The following TBX4 variants were observed in gnomAD, a reference collection of about 807,000 sequenced individuals.
TBX4 encodes the protein T-box transcription factor 4.
TBX4 carries 13 observed loss-of-function variants against 54.6 expected under a neutral mutation model. The observed-to-expected ratio is 0.24, with a 90% CI of 0.15 to 0.38. TBX4 has a LOEUF of 0.38. TBX4 is among the 10% of genes least tolerant of loss of function. The pLI is 1.00. For synonymous variants in TBX4, 314 were observed against 306.7 expected, an observed-to-expected ratio of 1.02 and a Z score of -0.25; for missense variants, 631 against 728.5, an observed-to-expected ratio of 0.87 and a Z score of 1.54.
intron 5 of TBX4, among the ~76,000 whole-genome samples, chr17:61,473,224 C>T (rs1249064609): frequency 6.6e-6 from 1 of 152,126 alleles, no homozygotes; most frequent in African/African-American, 2.4e-5. Context: ...GGTGTGTCAC[C>T]TGATTTGTTA....
In TBX4 at chr17:61,478,313, A is replaced by T. The variant is rs542440014; in HGVS notation, c.550-314A>T. 11 of 427,316 alleles carry T rather than the reference A, an allele frequency of 2.6e-5. No individual in the cohort carries two copies. The highest frequency in any genetic ancestry group is 2.4e-4 in the South Asian group (11 of 46,782). 26.5% of individuals were successfully genotyped at this position (427,316 alleles called of 1,614,324 possible). ...CCACCTGCTACACTGTGCTGAGTTC[A>T]CAGTGGGCTTTGACAGTGTTAAGGG... On this transcript the variant is annotated intron_variant, in intron 5 of 8. Coordinates refer to ENST00000644296, the MANE Select transcript of TBX4 (RefSeq NM_001321120.2). This position sits in a 1 kb window ranked among gnomAD's most constrained non-coding sequence, Gnocchi z 7.4.
At chr17:61,456,704 A>G in intron 2 of TBX4, 28 bp downstream of exon 2, 1 of 1,365,888 alleles carries the variant, frequency 7.3e-7, no homozygotes, top group Non-Finnish European at 9.4e-7. Flanking sequence ...GTCGGGTAGA[A>G]GTCGGGCGTC....
At chr17:61,466,047 G>T in intron 4 of TBX4, 109 bp downstream of exon 4, 3 of 1,557,080 alleles carry the variant, frequency 1.9e-6, no homozygotes, top group Non-Finnish European at 2.6e-6. Flanking sequence ...TGACTGCCCA[G>T]GTCTGCAGGC....
chr17:61,482,907 C>A lies in TBX4; in HGVS notation c.1032C>A (p.Thr344=), dbSNP rs761077197. 1 of 1,613,678 alleles carries A rather than the reference C, an allele frequency of 6.2e-7. No individual in the cohort carries two copies. Among genetic ancestry groups the A allele is most frequent in the South Asian group, 1.1e-5 (1 of 91,014 alleles). The part of the protein sequence containing the change: ...YHCLKRRADG[T]RHLDLPCKRS... ...TACTTTGTCTTTCAGCAGACGGTAC[C>A]CGCCACCTGGACTTACCTTGCAAGC... Residue 344 remains threonine, a synonymous_variant, in exon 9 of 9, where the codon ACC becomes ACA. Transcript: ENST00000644296.
At position 61,465,698 on chromosome 17, in the gene TBX4, T is replaced by C; in HGVS notation, c.282-121T>C. On this transcript the variant is annotated intron_variant, in intron 3 of 8. Coordinates refer to ENST00000644296, the MANE Select transcript of TBX4 (RefSeq NM_001321120.2). The surrounding 1 kb of genome is among the most constrained non-coding windows in gnomAD (Gnocchi z 4.9). The stretch of plus-strand genomic sequence containing the variant: ...GTGCAGGTCACACAGCTGTGACCAA[T>C]GCCAGGATCGCTGGCCAAAAGGGCA... 7.5e-7 allele frequency: 1 copy of C among 1,334,100 alleles called. No individual in the cohort carries two copies. Among genetic ancestry groups the C allele is most frequent in the South Asian group, 1.2e-5 (1 of 84,096 alleles). The allele number at this position is 1,334,100 out of a possible 1,614,324, so 82.6% of individuals were successfully genotyped here.
intron 5 of TBX4, among the ~76,000 whole-genome samples, chr17:61,471,559 T>TTTTTG (rs2060578200): frequency 6.6e-6 from 1 of 150,840 alleles, no homozygotes. Context: ...TTTTTTTTTT[T>TTTTTG]GCACATAGGC....
chr17:61,471,910 T>A (rs148175875), intron 5 of TBX4, among the ~76,000 whole-genome samples: 32,001 of 143,418 alleles, frequency 0.22, 4,098 homozygotes, highest in East Asian at 0.35. Flanking sequence ...TTTTTTTTTT[T>A]TTTTTTTTTT....
intron 1 of TBX4, among the ~76,000 whole-genome samples, chr17:61,456,278 G>A (rs1463305014): frequency 3.3e-5 from 5 of 152,212 alleles, no homozygotes; most frequent in Admixed American, 2.6e-4. Flanking sequence ...AACTGCCGCA[G>A]ACCCTCCCAG....
chr17:61,462,519 G>A lies in TBX4; in HGVS notation c.282-3300G>A, dbSNP rs1411984833. ...GACAGGAGGACGGGGTGGGAGCAGGGAGAGGGTAGGGGGCATAGGGAGAGG... is the reference window on the plus strand; with the variant it reads ...GACAGGAGGACGGGGTGGGAGCAGGAAGAGGGTAGGGGGCATAGGGAGAGG... On this transcript the variant is annotated intron_variant, in intron 3 of 8. Coordinates refer to ENST00000644296, the MANE Select transcript of TBX4 (RefSeq NM_001321120.2). The surrounding 1 kb of genome is among the most constrained non-coding windows in gnomAD (Gnocchi z 4.5). Among the ~76,000 whole-genome samples the A allele has an allele frequency of 1.3e-5, 2 of 151,598 alleles. No individual in the cohort carries two copies. The highest frequency in any genetic ancestry group is 2.9e-5 in the Non-Finnish European group (2 of 67,876).
rs551179647 is a variant in TBX4 at position 61,475,359 on chromosome 17, G to A, written c.550-3268G>A. On this transcript the variant is annotated intron_variant, in intron 5 of 8. Transcript: ENST00000644296. The surrounding 1 kb of genome is among the most constrained non-coding windows in gnomAD (Gnocchi z 5.0). Reference sequence around the variant, plus strand: ...GTGGTAGGAGGGGATGTGGGGGAAAGAGGAGGAAATACAAAAGGCCCTGCT... The same window carrying A: ...GTGGTAGGAGGGGATGTGGGGGAAAAAGGAGGAAATACAAAAGGCCCTGCT... 3.3e-5 allele frequency among the ~76,000 whole-genome samples: 5 copies of A among 152,346 alleles called. No individual in the cohort carries two copies. In the East Asian group the frequency reaches 7.7e-4, roughly 24 times the overall value.
chr17:61,462,325 AGCCGTTTCC>A lies in TBX4; in HGVS notation c.282-3491_282-3483del, dbSNP rs2060500443. 6.6e-6 allele frequency among the ~76,000 whole-genome samples: 1 copy of A among 151,138 alleles called. No individual in the cohort carries two copies. The highest frequency in any genetic ancestry group is 2.4e-5 in the African/African-American group (1 of 41,262). ...GGCGGCTTGTTTATTCCCCTGGCGG[AGCCGTTTCC>A]GCGTGTGCCGTGGGGAGGGCGGGGG... On this transcript the variant is annotated intron_variant, in intron 3 of 8. Transcript: ENST00000644296. This position sits in a 1 kb window ranked among gnomAD's most constrained non-coding sequence, Gnocchi z 4.5.
At chr17:61,456,126 C>A (rs184034975) in intron 1 of TBX4, among the ~76,000 whole-genome samples, 1 of 152,152 alleles carries the variant, frequency 6.6e-6, no homozygotes, top group Non-Finnish European at 1.5e-5. Context: ...GGGGAACAGC[C>A]GAGAAGGCCC....
rs890672802 is a variant in TBX4, at chr17:61,465,218, C to T, written c.282-601C>T. Among the ~76,000 whole-genome samples, 41 of 152,246 alleles carry T rather than the reference C, an allele frequency of 2.7e-4. No homozygotes were observed. Among genetic ancestry groups the T allele is most frequent in the African/African-American group, 9.2e-4 (38 of 41,526 alleles). On this transcript the variant is annotated intron_variant, in intron 3 of 8. Transcript: ENST00000644296. The surrounding 1 kb of genome is among the most constrained non-coding windows in gnomAD (Gnocchi z 4.9). ...AGGTGTTCACAGGGAGAAGTACCCC[C>T]GATAGACACACTGGAAGAACCCAAA...
chr17:61,463,891 C>T (rs752895158), intron 3 of TBX4, among the ~76,000 whole-genome samples: 1 of 152,148 alleles, frequency 6.6e-6, no homozygotes, highest in African/African-American at 2.4e-5. Flanking sequence ...GCAGCTGCTG[C>T]CCTCCCTGCT....
Position 61,460,629 on chromosome 17 carries a change from C to T in TBX4, c.281+2998C>T, listed in dbSNP as rs765690612. Among the ~76,000 whole-genome samples the T allele has an allele frequency of 1.3e-5, 2 of 152,088 alleles. No individual in the cohort carries two copies. The highest frequency in any genetic ancestry group is 6.5e-5 in the Admixed American group (1 of 15,274). On this transcript the variant is annotated intron_variant, in intron 3 of 8. Coordinates refer to ENST00000644296, the MANE Select transcript of TBX4 (RefSeq NM_001321120.2). This position sits in a 1 kb window ranked among gnomAD's most constrained non-coding sequence, Gnocchi z 4.4. ...TGTCCAGAGGGTTCGTGCTGATAGCCGCAGACAGCAGATCCCTCTCTTGGC... is the reference window on the plus strand; with the variant it reads ...TGTCCAGAGGGTTCGTGCTGATAGCTGCAGACAGCAGATCCCTCTCTTGGC...
At position 61,457,883 on chromosome 17, in the gene TBX4, G is replaced by T. The variant is rs530152397; in HGVS notation, c.281+252G>T. On this transcript the variant is annotated intron_variant, in intron 3 of 8. Coordinates refer to ENST00000644296, the MANE Select transcript of TBX4 (RefSeq NM_001321120.2). The surrounding 1 kb of genome is among the most constrained non-coding windows in gnomAD (Gnocchi z 8.2). ...GCGCTATGCAAATGAATCCAAACAG[G>T]GATCGCGACGCTCAAAAGTCCCAGC... Among the ~76,000 whole-genome samples, 1 of 152,326 alleles carries T rather than the reference G, an allele frequency of 6.6e-6. No homozygotes were observed. The highest frequency in any genetic ancestry group is 2.1e-4 in the South Asian group (1 of 4,822).
rs754710211 is a variant in TBX4 at position 61,479,987 on chromosome 17, G to A, written c.791+18G>A. On this transcript the variant is annotated intron_variant, in intron 7 of 8. Transcript: ENST00000644296. The surrounding 1 kb of genome is among the most constrained non-coding windows in gnomAD (Gnocchi z 6.1). ...CTGCAGAGGTGGGGCTGCGTAGCCTGGGGGTGGGGCGGGCAGATGGGATTC... is the reference window on the plus strand; with the variant it reads ...CTGCAGAGGTGGGGCTGCGTAGCCTAGGGGTGGGGCGGGCAGATGGGATTC... 3.7e-6 allele frequency: 6 copies of A among 1,613,832 alleles called. No homozygotes were observed. Among genetic ancestry groups the A allele is most frequent in the Non-Finnish European group, 4.2e-6 (5 of 1,179,892 alleles).
rs1603249470 is a variant in TBX4 at position 61,460,611 on chromosome 17, A to G, written c.281+2980A>G. On this transcript the variant is annotated intron_variant, in intron 3 of 8. Coordinates refer to ENST00000644296, the MANE Select transcript of TBX4 (RefSeq NM_001321120.2). The surrounding 1 kb of genome is among the most constrained non-coding windows in gnomAD (Gnocchi z 4.4). ...CAGTCTCTTGGGTCTCTGTGTCCAGAGGGTTCGTGCTGATAGCCGCAGACA... is the reference window on the plus strand; with the variant it reads ...CAGTCTCTTGGGTCTCTGTGTCCAGGGGGTTCGTGCTGATAGCCGCAGACA... 6.6e-6 allele frequency among the ~76,000 whole-genome samples: 1 copy of G among 152,134 alleles called. No homozygotes were observed. Among genetic ancestry groups the G allele is most frequent in the South Asian group, 2.1e-4 (1 of 4,824 alleles).
At chr17:61,466,045 C>T in intron 4 of TBX4, 107 bp downstream of exon 4, 6 of 1,555,362 alleles carry the variant, frequency 3.9e-6, no homozygotes, top group Non-Finnish European at 5.3e-6. Flanking sequence ...AGTGACTGCC[C>T]AGGTCTGCAG....
Sources: allele counts gnomAD v4.1 joint callset (sites outside exome capture counted in the v4.1 genomes callset), GRCh38; gene constraint gnomAD v4.1.1; non-coding constraint Gnocchi (gnomAD v3.1); transcripts MANE v1.5; gene names NCBI Gene and HGNC (gene_info 2026-07-23, HGNC 2026-07-21).